The following MED13L variants were observed in gnomAD, a reference collection of about 807,000 sequenced individuals.
MED13L encodes mediator of RNA polymerase II transcription subunit 13-like.
MED13L carries 7 observed loss-of-function variants against 220.9 expected under a neutral mutation model. That is an observed-to-expected ratio of 0.03 (90% CI 0.02 to 0.06). The LOEUF (loss-of-function observed/expected upper bound fraction) is 0.06, where lower values mean the gene tolerates loss of function less well. Ranked by LOEUF, MED13L falls within the 10% of genes least tolerant of loss-of-function variation. MED13L has a pLI of 1.00. For missense variants in MED13L, 1,965 were observed against 2,760.5 expected, an observed-to-expected ratio of 0.71 and a Z score of 6.46; for synonymous variants, 1,011 against 1,015.2, an observed-to-expected ratio of 1.00 and a Z score of 0.08.
At chr12:116,014,796 A>G (rs1200047689) in intron 8 of MED13L, among the ~76,000 whole-genome samples, 2 of 152,166 alleles carry the variant, frequency 1.3e-5, no homozygotes, top group Admixed American at 6.5e-5. Context: ...AACCAAACCC[A>G]CTGGTTGCTG....
At chr12:116,042,318 T>C (rs1358197068) in intron 4 of MED13L, among the ~76,000 whole-genome samples, 1 of 152,190 alleles carries the variant, frequency 6.6e-6, no homozygotes, top group Non-Finnish European at 1.5e-5. Context: ...TGAAGGAAAC[T>C]TGAGTGTTGG....
chr12:116,135,565 T>A (rs1876468304), intron 2 of MED13L, among the ~76,000 whole-genome samples: 1 of 152,178 alleles, frequency 6.6e-6, no homozygotes, highest in Non-Finnish European at 1.5e-5. Context: ...AATGAAATGG[T>A]TGCCATTTTA....
At chr12:116,168,932 T>A (rs1879478332) in intron 2 of MED13L, 2 of 152,204 alleles carry the variant, frequency 1.3e-5, no homozygotes, top group Non-Finnish European at 2.9e-5. Context: ...AATAAGCCCA[T>A]TACACAGCAA....
At chr12:115,981,271 A>T (rs1565991509) in intron 22 of MED13L, among the ~76,000 whole-genome samples, 1 of 152,122 alleles carries the variant, frequency 6.6e-6, no homozygotes, top group Non-Finnish European at 1.5e-5. Context: ...ATTTTATTAT[A>T]TTTCTTTTTA....
chr12:116,057,161 G>A (rs375132559), intron 4 of MED13L, among the ~76,000 whole-genome samples: 1 of 152,136 alleles, frequency 6.6e-6, no homozygotes, highest in East Asian at 1.9e-4. Flanking sequence ...GCTAACACCT[G>A]AAGGAATAAT....
chr12:116,129,113 T>A (rs1875847262), intron 2 of MED13L, among the ~76,000 whole-genome samples: 1 of 152,214 alleles, frequency 6.6e-6, no homozygotes, highest in Admixed American at 6.5e-5. Flanking sequence ...TCTCACCAAT[T>A]TTTAAAACAG....
chr12:116,046,528 T>C (rs1014159369), intron 4 of MED13L, among the ~76,000 whole-genome samples: 1 of 152,208 alleles, frequency 6.6e-6, no homozygotes, highest in African/African-American at 2.4e-5. Flanking sequence ...TTTAACAATA[T>C]AGCAGTAAAA....
At chr12:116,031,719 A>G (rs1263171691) in intron 4 of MED13L, among the ~76,000 whole-genome samples, 1 of 79,290 alleles carries the variant, frequency 1.3e-5, no homozygotes, top group African/African-American at 6.3e-5. Context: ...AGAAAAGAAA[A>G]GAAAAGAAAA....
At chr12:115,992,233 T>C (rs918385878) in intron 16 of MED13L, among the ~76,000 whole-genome samples, 1 of 152,214 alleles carries the variant, frequency 6.6e-6, no homozygotes, top group Admixed American at 6.5e-5. Context: ...TCCTAACCTC[T>C]TGAAGGAACT....
intron 2 of MED13L, among the ~76,000 whole-genome samples, chr12:116,146,979 A>G (rs767999588): frequency 1.2e-4 from 19 of 152,196 alleles, no homozygotes; most frequent in Non-Finnish European, 2.2e-4. Flanking sequence ...ATCTAGTAAA[A>G]CAAAAACAAC....
chr12:116,270,913 G>A (rs1365629165), intron 1 of MED13L, among the ~76,000 whole-genome samples: 13 of 151,280 alleles, frequency 8.6e-5, no homozygotes, highest in South Asian at 2.1e-4. Flanking sequence ...ATAGTGGCGC[G>A]CGCCTGTAGT....
intron 2 of MED13L, among the ~76,000 whole-genome samples, chr12:116,143,788 G>A (rs1877275599): frequency 6.6e-6 from 1 of 152,182 alleles, no homozygotes; most frequent in Non-Finnish European, 1.5e-5. Context: ...GAGAAGGATG[G>A]ACCTCACTAG....
chr12:116,088,268 T>C (rs1042442118), intron 4 of MED13L, among the ~76,000 whole-genome samples: 1 of 151,942 alleles, frequency 6.6e-6, no homozygotes, highest in African/African-American at 2.4e-5. Context: ...GAGGACTGAG[T>C]TAAAGAGACC....
At chr12:116,077,784 A>C (rs1870917253) in intron 4 of MED13L, among the ~76,000 whole-genome samples, 2 of 152,230 alleles carry the variant, frequency 1.3e-5, no homozygotes, top group Admixed American at 1.3e-4. Flanking sequence ...TTTCAATTCC[A>C]AATAACTTAA....
intron 4 of MED13L, among the ~76,000 whole-genome samples, chr12:116,033,887 G>A (rs898868122): frequency 6.6e-6 from 1 of 152,068 alleles, no homozygotes; most frequent in Non-Finnish European, 1.5e-5. Context: ...GGCAATTACT[G>A]TAAAAAGGAA....
intron 2 of MED13L, among the ~76,000 whole-genome samples, chr12:116,141,714 G>T (rs148355872): frequency 6.6e-6 from 1 of 151,942 alleles, no homozygotes; most frequent in African/African-American, 2.4e-5. Flanking sequence ...AGCCTCCCGT[G>T]GGACCTCTGC....
At chr12:115,998,504 T>A (rs1395656049) in intron 14 of MED13L, among the ~76,000 whole-genome samples, 1 of 152,200 alleles carries the variant, frequency 6.6e-6, no homozygotes, top group East Asian at 1.9e-4. Flanking sequence ...GTCAGGTCAC[T>A]TCCCCCCTTG....
intron 13 of MED13L, among the ~76,000 whole-genome samples, chr12:116,004,799 G>A (rs1025968211): frequency 1.3e-5 from 2 of 151,940 alleles, no homozygotes; most frequent in Non-Finnish European, 2.9e-5. Flanking sequence ...AACAGTAATG[G>A]TATATAATAT....
intron 1 of MED13L, among the ~76,000 whole-genome samples, chr12:116,249,893 T>A (rs961322646): frequency 2.6e-5 from 4 of 151,192 alleles, no homozygotes; most frequent in Admixed American, 1.3e-4. Context: ...ATACACGCCA[T>A]TAACGTCTCA....
Sources: gnomAD v4.1 joint callset for allele counts (sites outside exome capture counted in the v4.1 genomes callset) on GRCh38, gnomAD v4.1.1 for gene constraint, MANE v1.5 for transcripts, NCBI Gene and HGNC (gene_info 2026-07-23, HGNC 2026-07-21) for gene names.